LPA: variants seen among roughly 807,000 people sequenced by gnomAD.
LPA encodes the protein lipoprotein(a).
A neutral mutation model predicts 197.9 loss-of-function variants in LPA; 199 were observed. The ratio of observed to expected loss-of-function variants is 1.01; its 90% CI spans 0.90 to 1.13. The LOEUF (loss-of-function observed/expected upper bound fraction) is 1.13. Ranked by LOEUF, LPA falls within the 50% of genes most tolerant of loss-of-function variation. LPA has a pLI of 0.00. For missense variants in LPA, 1,853 were observed against 1,785.8 expected, an observed-to-expected ratio of 1.04 and a Z score of -0.68; for synonymous variants, 715 against 639.5, an observed-to-expected ratio of 1.12 and a Z score of -1.78.
At chr6:160,615,305 G>C (rs1779572912) in intron 14 of LPA, among the ~76,000 whole-genome samples, 1 of 147,162 alleles carries the variant, frequency 6.8e-6, no homozygotes, top group African/African-American at 2.6e-5. Context: ...GTGTGTGTTA[G>C]AACTTGTGAG....
At chr6:160,577,742 G>T (rs979414131) in intron 27 of LPA, among the ~76,000 whole-genome samples, 2 of 152,060 alleles carry the variant, frequency 1.3e-5, no homozygotes, top group Non-Finnish European at 2.9e-5. Flanking sequence ...TGAAAATTTG[G>T]GCAGGAAATC....
intron 28 of LPA, among the ~76,000 whole-genome samples, chr6:160,566,544 AT>A (rs1340148089): frequency 2.6e-5 from 4 of 152,248 alleles, no homozygotes; most frequent in Non-Finnish European, 4.4e-5. Flanking sequence ...AACATGCCAA[AT>A]TGTAAAAACC....
chr6:160,598,004 T>C (rs1283206813), intron 20 of LPA, among the ~76,000 whole-genome samples: 2 of 152,234 alleles, frequency 1.3e-5, no homozygotes, highest in Non-Finnish European at 2.9e-5. Context: ...CTAGGTTTTT[T>C]CTGGAGCTGC....
chr6:160,540,417 G>C lies in LPA; in HGVS notation c.5595-234C>G, dbSNP rs540714485. ...GTATATTTGTCCCCACCTAAATCTC[G>C]TGTTCAACTGTAGTCCCCAGTGATG... On this transcript the variant is annotated intron_variant, in intron 35 of 38. Transcript: ENST00000316300. Among the ~76,000 whole-genome samples, 3 of 152,312 alleles carry C rather than the reference G, an allele frequency of 2.0e-5. No homozygotes were observed. In the South Asian group the frequency reaches 6.2e-4, roughly 32 times the overall value.
At position 160,538,219 on chromosome 6, in the gene LPA, T is replaced by C. The variant is rs141976402; in HGVS notation, c.5736-258A>G. On this transcript the variant is annotated intron_variant, in intron 36 of 38. Coordinates refer to ENST00000316300, the MANE Select transcript of LPA (RefSeq NM_005577.4). ...TGAGGGTGGCCTTAGCCTTTGAAAG[T>C]AGGGATGACAAAGGCACACTTCTCA... Among the ~76,000 whole-genome samples the C allele has an allele frequency of 4.4e-3, 676 of 152,260 alleles. 7 individuals are homozygous for C. Among genetic ancestry groups the C allele is most frequent in the African/African-American group, 0.016 (657 of 41,550 alleles).
chr6:160,577,768 G>A (rs1778711937), intron 27 of LPA, among the ~76,000 whole-genome samples: 1 of 152,196 alleles, frequency 6.6e-6, no homozygotes, highest in African/African-American at 2.4e-5. Context: ...ACATTTAGGA[G>A]TGCAGGCAAA....
chr6:160,533,918 A>T (rs900893029), intron 37 of LPA, among the ~76,000 whole-genome samples: 3 of 152,224 alleles, frequency 2.0e-5, no homozygotes, highest in Non-Finnish European at 4.4e-5. Flanking sequence ...CCAGATGGAC[A>T]TGCCCAGGGA....
chr6:160,535,663 A>G (rs572220267), intron 37 of LPA, among the ~76,000 whole-genome samples: 82 of 141,174 alleles, frequency 5.8e-4, no homozygotes, highest in Non-Finnish European at 4.5e-4. Context: ...TGGTAGTGCC[A>G]GTAAGAATGA....
In LPA at chr6:160,606,536, G is replaced by A. The variant is rs1779356305; in HGVS notation, c.2726C>T (p.Thr909Ile). ...NLTQCSDAEG[T>I]AVAPPTITPI... ...GGTAATAGTTGGAGGCGCGACGGCA[G>A]TCCCTTCTGCGTCTGAGCATTGTGT... is the stretch of plus-strand genomic sequence containing the variant. Residue 909 changes from threonine (T) to isoleucine (I), a missense_variant, in exon 17 of 39, where the codon ACT (threonine) becomes ATT (isoleucine). By Grantham distance (89) the Thr-to-Ile change is moderately conservative (BLOSUM62 -1). Around this residue, in one of 3 missense-constraint regions of LPA, gnomAD observed 1,737 missense variants for 1,504.4 expected, o/e 1.15. Coordinates refer to ENST00000316300, the MANE Select transcript of LPA (RefSeq NM_005577.4). The A allele has an allele frequency of 6.2e-7, 1 of 1,613,554 alleles. No homozygotes were observed. Among genetic ancestry groups the A allele is most frequent in the Non-Finnish European group, 8.5e-7 (1 of 1,179,964 alleles).
intron 28 of LPA, among the ~76,000 whole-genome samples, chr6:160,572,421 C>A (rs939349264): frequency 6.6e-6 from 1 of 152,296 alleles, no homozygotes; most frequent in East Asian, 1.9e-4. Flanking sequence ...CCACTGCATT[C>A]ATCATATTCT....
intron 26 of LPA, 55 bp from the exon 27 acceptor site, chr6:160,578,759 C>T (rs1562329067): frequency 4.3e-6 from 7 of 1,612,468 alleles, no homozygotes; most frequent in Non-Finnish European, 5.9e-6. Flanking sequence ...TTCAAGGGCA[C>T]TTAGCGCCCT....
At chr6:160,647,414 A>G (rs1168021841) in intron 2 of LPA, among the ~76,000 whole-genome samples, 1 of 152,182 alleles carries the variant, frequency 6.6e-6, no homozygotes. Context: ...TGGGAAATGT[A>G]TTATGGGCCA....
intron 28 of LPA, among the ~76,000 whole-genome samples, chr6:160,563,920 A>T (rs1330309369): frequency 6.6e-6 from 1 of 151,618 alleles, no homozygotes; most frequent in African/African-American, 2.4e-5. Context: ...TGCTTGGTAA[A>T]TATTCCTTCA....
At chr6:160,566,928 T>A (rs111459827) in intron 28 of LPA, among the ~76,000 whole-genome samples, 2 of 152,068 alleles carry the variant, frequency 1.3e-5, no homozygotes, top group Non-Finnish European at 2.9e-5. Context: ...GGGACCAATT[T>A]AACAAGAAGA....
intron 26 of LPA, among the ~76,000 whole-genome samples, chr6:160,579,558 A>T (rs1209952332): frequency 6.6e-6 from 1 of 152,192 alleles, no homozygotes; most frequent in African/African-American, 2.4e-5. Flanking sequence ...GCTATGGATG[A>T]GTCAGAAAAC....
chr6:160,610,629 G>A (rs759071103), intron 16 of LPA, among the ~76,000 whole-genome samples: 13 of 152,238 alleles, frequency 8.5e-5, no homozygotes, highest in South Asian at 2.1e-4. Flanking sequence ...ACTTCTATGC[G>A]TATTTGTAGA....
intron 2 of LPA, among the ~76,000 whole-genome samples, chr6:160,646,975 CA>C (rs1345578236): frequency 6.6e-6 from 1 of 152,140 alleles, no homozygotes; most frequent in African/African-American, 2.4e-5. Context: ...AAGCATTGTG[CA>C]AATAGTATTA....
intron 6 of LPA, among the ~76,000 whole-genome samples, chr6:160,635,643 T>A (rs1041153939): frequency 1.0e-4 from 13 of 124,264 alleles, no homozygotes; most frequent in Non-Finnish European, 1.6e-4. Context: ...GAATAACTGG[T>A]ATGGGTTTTG....
chr6:160,557,255 A>T, intron 29 of LPA, 135 bp downstream of exon 29: 12 of 1,068,422 alleles, frequency 1.1e-5, no homozygotes, highest in Non-Finnish European at 1.7e-5. Flanking sequence ...CACCAGAGAG[A>T]GTGCTGAGGC....
Sources: allele counts gnomAD v4.1 joint callset (sites outside exome capture counted in the v4.1 genomes callset), GRCh38; gene constraint gnomAD v4.1.1; regional missense constraint gnomAD v4.1.1; transcripts MANE v1.5; gene names NCBI Gene and HGNC (gene_info 2026-07-23, HGNC 2026-07-21).